The following GRIK3 variants were observed in gnomAD, a reference collection of about 807,000 sequenced individuals.
GRIK3 encodes glutamate receptor ionotropic, kainate 3.
Under a neutral mutation model 102.5 loss-of-function variants are expected in GRIK3, and 29 were observed. The ratio of observed to expected loss-of-function variants is 0.28; its 90% CI spans 0.21 to 0.39. GRIK3 has a LOEUF of 0.39. GRIK3 is among the 10% of genes least tolerant of loss of function. GRIK3 has a pLI of 1.00. For synonymous variants in GRIK3, 511 were observed against 504.9 expected, an observed-to-expected ratio of 1.01 and a Z score of -0.16; for missense variants, 908 against 1,252.4, an observed-to-expected ratio of 0.73 and a Z score of 4.15.
rs373031672 is a variant in GRIK3, at chr1:36,859,216, G to C, written c.996C>G (p.Ile332Met). ...GTGCCCGCTGGTAGCACACGGACAC[G>C]ATATGGACGGCGTCGTACAGTAAGG... ...DAALLYDAVH[I>M]VSVCYQRAPQ... is the part of the protein sequence containing the mutation. The change falls in exon 7 of 16, where the codon ATC becomes ATG. Residue 332 changes from isoleucine to methionine, a missense_variant. Coordinates refer to ENST00000373091, the MANE Select transcript of GRIK3 (RefSeq NM_000831.4). 1.2e-6 allele frequency: 2 copies of C among 1,613,670 alleles called. No homozygotes were observed. The highest frequency in any genetic ancestry group is 1.7e-6 in the Non-Finnish European group (2 of 1,179,646).
chr1:37,021,144 G>C (rs1160831908), intron 1 of GRIK3, among the ~76,000 whole-genome samples: 1 of 150,478 alleles, frequency 6.6e-6, no homozygotes, highest in African/African-American at 2.5e-5. Context: ...GAGAGAGAGA[G>C]AGAGAGAGAA....
At chr1:36,831,237 C>A (rs993934218) in intron 10 of GRIK3, among the ~76,000 whole-genome samples, 1 of 152,190 alleles carries the variant, frequency 6.6e-6, no homozygotes, top group African/African-American at 2.4e-5. Context: ...TTCCCAGAGA[C>A]GTGAACTTGA....
At chr1:36,909,876 T>C (rs904562182) in intron 1 of GRIK3, among the ~76,000 whole-genome samples, 4 of 152,202 alleles carry the variant, frequency 2.6e-5, no homozygotes, top group Non-Finnish European at 5.9e-5. Flanking sequence ...CCCTAAGCAT[T>C]AGTGCCTATA....
At chr1:36,862,076 T>C (rs904316644) in intron 5 of GRIK3, among the ~76,000 whole-genome samples, 2 of 152,170 alleles carry the variant, frequency 1.3e-5, no homozygotes, top group Non-Finnish European at 2.9e-5. Context: ...TGAGGTGACT[T>C]ACCTAAGGTC....
chr1:36,817,140 C>T lies in GRIK3; in HGVS notation c.2011G>A (p.Asp671Asn), dbSNP rs781032708. 1 of 1,614,152 alleles carries T rather than the reference C, an allele frequency of 6.2e-7. No individual in the cohort carries two copies. The highest frequency in any genetic ancestry group is 2.2e-5 in the East Asian group (1 of 44,878). ...TGCTTGGCCAGGTCATCAGCAGAGT[C>T]AATGGGTGATTCCATGCGCTCCACG... ...LTVERMESPI[D>N]SADDLAKQTK... The change falls in exon 13 of 16, where the codon GAC (aspartate) becomes AAC (asparagine). Residue 671 changes from aspartate to asparagine, a missense_variant. Asp to Asn is a conservative substitution (Grantham distance 23, BLOSUM62 1). Around this residue, in one of 3 missense-constraint regions of GRIK3, gnomAD observed 297 missense variants for 362.7 expected, o/e 0.82. Transcript: ENST00000373091.
At chr1:36,964,924 G>A (rs1642063687) in intron 1 of GRIK3, among the ~76,000 whole-genome samples, 1 of 152,324 alleles carries the variant, frequency 6.6e-6, no homozygotes, top group East Asian at 1.9e-4. Flanking sequence ...AGCTGAGTCA[G>A]TTTCCTAGGA....
At chr1:36,884,962 G>A (rs192074896) in intron 2 of GRIK3, among the ~76,000 whole-genome samples, 19 of 152,342 alleles carry the variant, frequency 1.2e-4, no homozygotes, top group African/African-American at 3.8e-4. Context: ...AAAGTCTGAT[G>A]ATGCAGAGGA....
intron 1 of GRIK3, among the ~76,000 whole-genome samples, chr1:37,030,421 T>A (rs987014073): frequency 6.6e-6 from 1 of 152,112 alleles, no homozygotes; most frequent in Non-Finnish European, 1.5e-5. Flanking sequence ...AGGGATCGGC[T>A]GCTGTTGCCT....
chr1:36,929,254 G>A (rs183322868), intron 1 of GRIK3, among the ~76,000 whole-genome samples: 4 of 152,002 alleles, frequency 2.6e-5, no homozygotes, highest in African/African-American at 9.7e-5. Context: ...ATCTTCGAAG[G>A]TGCTCATTGT....
At chr1:36,834,187 C>T (rs72911588) in intron 10 of GRIK3, among the ~76,000 whole-genome samples, 5,091 of 152,276 alleles carry the variant, frequency 0.033, 298 homozygotes, top group African/African-American at 0.12. Flanking sequence ...GCTGTGTCCA[C>T]GGCTGCTAGC....
rs376406866 is a variant in GRIK3, at chr1:36,909,643, G to A, written c.116-18547C>T. Among the ~76,000 whole-genome samples, 359 of 151,974 alleles carry A rather than the reference G, an allele frequency of 2.4e-3. 1 individual carries two copies. Among genetic ancestry groups the A allele is most frequent in the African/African-American group, 8.5e-3 (350 of 41,400 alleles). ...GGCATGCCCCTGCCCAAACCCATTT[G>A]CATCACTGGGCTCTGAAAGACTTGA... On this transcript the variant is annotated intron_variant, in intron 1 of 15. Coordinates refer to ENST00000373091, the MANE Select transcript of GRIK3 (RefSeq NM_000831.4).
intron 1 of GRIK3, among the ~76,000 whole-genome samples, chr1:36,984,756 G>T (rs1311286150): frequency 6.6e-6 from 1 of 152,334 alleles, no homozygotes; most frequent in South Asian, 2.1e-4. Context: ...GTGCCCCCAC[G>T]CTGGGATCAT....
intron 11 of GRIK3, among the ~76,000 whole-genome samples, chr1:36,820,377 T>C (rs1036343327): frequency 2.0e-5 from 3 of 152,164 alleles, no homozygotes; most frequent in African/African-American, 7.2e-5. Context: ...TTAAAAGCAA[T>C]GTATTAAAAG....
intron 1 of GRIK3, among the ~76,000 whole-genome samples, chr1:36,943,221 T>C (rs1641746316): frequency 7.2e-6 from 1 of 139,714 alleles, no homozygotes; most frequent in African/African-American, 2.7e-5. Flanking sequence ...TGAGGGTGGT[T>C]GTTGGGGGTT....
chr1:36,877,290 C>T (rs191796903), intron 3 of GRIK3, among the ~76,000 whole-genome samples: 13 of 152,292 alleles, frequency 8.5e-5, no homozygotes, highest in African/African-American at 2.9e-4. Flanking sequence ...AGTTACATGT[C>T]TTCAACATTA....
chr1:37,033,902 T>A, intron 1 of GRIK3, 92 bp downstream of exon 1: 1 of 650,874 alleles, frequency 1.5e-6, no homozygotes, highest in Non-Finnish European at 2.6e-6. Flanking sequence ...CGGAGAGAGG[T>A]TAGGAAAATC....
At chr1:36,895,881 A>C (rs1318035836) in intron 1 of GRIK3, among the ~76,000 whole-genome samples, 1 of 152,246 alleles carries the variant, frequency 6.6e-6, no homozygotes, top group Non-Finnish European at 1.5e-5. Context: ...ACAAGCCCGA[A>C]GAAAAATGCA....
intron 1 of GRIK3, among the ~76,000 whole-genome samples, chr1:37,024,619 T>G (rs1208500466): frequency 6.6e-6 from 1 of 151,358 alleles, no homozygotes; most frequent in Non-Finnish European, 1.5e-5. Context: ...GGCAGGTGCC[T>G]GTAGTGCCAG....
In GRIK3 at chr1:36,880,307, G is replaced by C. The variant is rs1488524807; in HGVS notation, c.550+327C>G. Among the ~76,000 whole-genome samples the C allele has an allele frequency of 1.3e-5, 2 of 152,136 alleles. No homozygotes were observed. The highest frequency in any genetic ancestry group is 2.9e-5 in the Non-Finnish European group (2 of 68,030). ...GGAAATGTGTGAGCGTAAGGGCATGGGCAGGTGTCGGTGTGGCTTGCAGAT... is the reference window on the plus strand; with the variant it reads ...GGAAATGTGTGAGCGTAAGGGCATGCGCAGGTGTCGGTGTGGCTTGCAGAT... On this transcript the variant is annotated intron_variant, in intron 3 of 15. Transcript: ENST00000373091. The surrounding 1 kb of genome is among the most constrained non-coding windows in gnomAD (Gnocchi z 5.4).
Sources: allele counts gnomAD v4.1 joint callset (sites outside exome capture counted in the v4.1 genomes callset), GRCh38; gene constraint gnomAD v4.1.1; regional missense constraint gnomAD v4.1.1; non-coding constraint Gnocchi (gnomAD v3.1); transcripts MANE v1.5; gene names NCBI Gene and HGNC (gene_info 2026-07-23, HGNC 2026-07-21).